SLC39A11: variants seen among roughly 807,000 people sequenced by gnomAD.
SLC39A11 encodes zinc transporter ZIP11.
A neutral mutation model predicts 36.1 loss-of-function variants in SLC39A11; 33 were observed. That is an observed-to-expected ratio of 0.91 (90% CI 0.69 to 1.22). SLC39A11 has a LOEUF of 1.22. SLC39A11 is among the 50% of genes most tolerant of loss of function. The pLI, the probability that SLC39A11 is intolerant of heterozygous loss-of-function variation, is 0.00. For missense variants in SLC39A11, 432 were observed against 430.3 expected, an observed-to-expected ratio of 1.00 and a Z score of -0.03; for synonymous variants, 166 against 170.3, an observed-to-expected ratio of 0.97 and a Z score of 0.20.
At chr17:72,949,879 A>C (rs1177112190) in intron 4 of SLC39A11, among the ~76,000 whole-genome samples, 1 of 152,026 alleles carries the variant, frequency 6.6e-6, no homozygotes, top group African/African-American at 2.4e-5. Flanking sequence ...ATTTTAAAAA[A>C]TACTAAAACA....
chr17:72,774,123 G>A (rs981866004), intron 6 of SLC39A11, among the ~76,000 whole-genome samples: 1 of 152,202 alleles, frequency 6.6e-6, no homozygotes, highest in Non-Finnish European at 1.5e-5. Context: ...CAGATAAGTA[G>A]CTGTGCTTAC....
intron 5 of SLC39A11, among the ~76,000 whole-genome samples, chr17:72,896,678 G>T (rs1464918570): frequency 6.6e-6 from 1 of 152,070 alleles, no homozygotes; most frequent in Non-Finnish European, 1.5e-5. Context: ...GAAGTAGGAA[G>T]AGAAACACAG....
intron 6 of SLC39A11, among the ~76,000 whole-genome samples, chr17:72,749,865 C>T (rs952618169): frequency 6.6e-6 from 1 of 152,132 alleles, no homozygotes. Flanking sequence ...ACCTCTATGA[C>T]TCCAGGCTCA....
chr17:72,680,333 C>T (rs1056005408), intron 7 of SLC39A11, among the ~76,000 whole-genome samples: 10 of 152,106 alleles, frequency 6.6e-5, no homozygotes, highest in South Asian at 2.1e-4. Context: ...GAATATGATA[C>T]GGTTTGGCTG....
intron 5 of SLC39A11, among the ~76,000 whole-genome samples, chr17:72,887,367 A>G (rs8079882): frequency 0.047 from 7,186 of 152,296 alleles, 196 homozygotes; most frequent in Non-Finnish European, 0.06. Flanking sequence ...TTTCAAGCCA[A>G]TGGGCTCAAC....
intron 6 of SLC39A11, among the ~76,000 whole-genome samples, chr17:72,833,134 G>C (rs2078360032): frequency 1.3e-5 from 2 of 152,182 alleles, no homozygotes; most frequent in Admixed American, 6.5e-5. Context: ...CTGGTCTCCA[G>C]TCTCCATTAT....
At position 72,996,932 on chromosome 17, in the gene SLC39A11, G is replaced by A. The variant is rs563142359; in HGVS notation, c.306+34624C>T. 4.6e-5 allele frequency among the ~76,000 whole-genome samples: 7 copies of A among 152,160 alleles called. No individual in the cohort carries two copies. In the East Asian group the frequency reaches 9.7e-4, roughly 21 times the overall value. On this transcript the variant is annotated intron_variant, in intron 4 of 9. Coordinates refer to ENST00000255559, the MANE Select transcript of SLC39A11 (RefSeq NM_139177.4). Reference sequence around the variant, plus strand: ...CTCTTCCTTTTGTGCCTCTGCCCTTGTCATGAGAAAAACATGCCCTGGTCC... The same window carrying A: ...CTCTTCCTTTTGTGCCTCTGCCCTTATCATGAGAAAAACATGCCCTGGTCC...
intron 6 of SLC39A11, among the ~76,000 whole-genome samples, chr17:72,824,850 C>G (rs1370138688): frequency 2.6e-5 from 4 of 151,178 alleles, no homozygotes; most frequent in African/African-American, 9.7e-5. Context: ...AAAGATGTGG[C>G]CTGGCTGCTT....
At chr17:72,712,471 G>C (rs966878014) in intron 7 of SLC39A11, among the ~76,000 whole-genome samples, 1 of 152,170 alleles carries the variant, frequency 6.6e-6, no homozygotes, top group Non-Finnish European at 1.5e-5. Context: ...AGTTAATAGA[G>C]TTTTTGTTTT....
chr17:72,773,995 C>A (rs1406654870), intron 6 of SLC39A11, among the ~76,000 whole-genome samples: 2 of 152,164 alleles, frequency 1.3e-5, no homozygotes, highest in Non-Finnish European at 2.9e-5. Flanking sequence ...ATTAACGAAG[C>A]CAGACGTGCT....
chr17:73,088,594 G>T (rs2060819139), intron 2 of SLC39A11, 63 bp downstream of exon 2: 6 of 1,320,440 alleles, frequency 4.5e-6, no homozygotes, highest in Admixed American at 1.9e-5. Context: ...CCATGGAGTG[G>T]GACAGTGCCC....
chr17:72,769,703 C>T (rs899208015), intron 6 of SLC39A11, among the ~76,000 whole-genome samples: 8 of 152,114 alleles, frequency 5.3e-5, no homozygotes, highest in African/African-American at 1.7e-4. Context: ...TGCCACCACA[C>T]CCAGCTAATT....
chr17:73,079,998 C>T (rs2060459902), intron 3 of SLC39A11, among the ~76,000 whole-genome samples: 1 of 152,176 alleles, frequency 6.6e-6, no homozygotes, highest in Non-Finnish European at 1.5e-5. Context: ...GACACAAACA[C>T]ATGGAAACAC....
intron 7 of SLC39A11, among the ~76,000 whole-genome samples, chr17:72,733,167 T>G (rs1007055749): frequency 1.8e-4 from 27 of 152,224 alleles, no homozygotes; most frequent in African/African-American, 5.8e-4. Flanking sequence ...TCTGTGAGGA[T>G]CTGAAACCAC....
At chr17:73,092,232 C>A in intron 1 of SLC39A11, 1 of 152,328 alleles carries the variant, frequency 6.6e-6, no homozygotes. Flanking sequence ...GTGGGAGGGG[C>A]CTGGGAGCAG....
At chr17:72,729,434 TATATATATATATATATATA>T (rs2074097795) in intron 7 of SLC39A11, among the ~76,000 whole-genome samples, 6 of 3,472 alleles carry the variant, frequency 1.7e-3, no homozygotes, top group South Asian at 8.2e-3. Flanking sequence ...TATATATATA[TATATATATATATATATATA>T]TATATTTTTT....
intron 6 of SLC39A11, among the ~76,000 whole-genome samples, chr17:72,809,198 T>TC (rs2077356144): frequency 1.8e-4 from 11 of 61,532 alleles, no homozygotes; most frequent in Admixed American, 6.9e-4. Flanking sequence ...CTTTCTTTTC[T>TC]TTCTCTCTCT....
At chr17:72,664,541 G>A (rs2144078081) in intron 7 of SLC39A11, among the ~76,000 whole-genome samples, 1 of 152,258 alleles carries the variant, frequency 6.6e-6, no homozygotes, top group African/African-American at 2.4e-5. Context: ...CCTCTTCCAT[G>A]GCTATACTAA....
chr17:72,850,110 T>C (rs912309232), intron 5 of SLC39A11, among the ~76,000 whole-genome samples: 1 of 152,080 alleles, frequency 6.6e-6, no homozygotes, highest in African/African-American at 2.4e-5. Flanking sequence ...TGCATGCTTC[T>C]GTGTGTTCTC....
Sources: gnomAD v4.1 joint callset for allele counts (sites outside exome capture counted in the v4.1 genomes callset) on GRCh38, gnomAD v4.1.1 for gene constraint, MANE v1.5 for transcripts, NCBI Gene and HGNC (gene_info 2026-07-23, HGNC 2026-07-21) for gene names.